Variants in MTA3 observed in about 807,000 individuals in gnomAD.
The protein encoded by MTA3 is metastasis associated 1 family member 3.
A neutral mutation model predicts 83.5 loss-of-function variants in MTA3; 34 were observed. The observed-to-expected ratio is 0.41, with a 90% CI of 0.31 to 0.54. The LOEUF (loss-of-function observed/expected upper bound fraction) is 0.54. Among genes scored for constraint, MTA3 ranks in the 20% least tolerant of loss-of-function variants. The pLI, the probability that MTA3 is intolerant of heterozygous loss-of-function variation, is 0.33. For synonymous variants in MTA3, 303 were observed against 252.7 expected (o/e 1.20, Z -1.89); for missense variants, 761 against 726.4 (o/e 1.05, Z -0.55).
chr2:42,659,174 G>A (rs1029763048), intron 7 of MTA3, among the ~76,000 whole-genome samples: 2 of 152,124 alleles, frequency 1.3e-5, no homozygotes, highest in African/African-American at 4.8e-5. Flanking sequence ...AAAGCAGTGA[G>A]TCTTCATTTT....
chr2:42,756,058 G>A lies in MTA3; in HGVS notation c.*2659G>A, dbSNP rs765330640. The A allele has an allele frequency of 1.1e-5, 11 of 975,686 alleles. No homozygotes were observed. Among genetic ancestry groups the A allele is most frequent in the Non-Finnish European group, 1.3e-5 (11 of 821,198 alleles). 60.4% of individuals were successfully genotyped at this position (975,686 alleles called of 1,614,324 possible). On this transcript the variant is annotated 3_prime_UTR_variant, in exon 17 of 17. Coordinates refer to ENST00000405094, the MANE Select transcript of MTA3 (RefSeq NM_001330442.2). Reference sequence around the variant, plus strand: ...TTTCAAGTGGGGGTTTTCATCCAGAGATTTGTTTAACACAAAACAAGAAAA... The same window carrying A: ...TTTCAAGTGGGGGTTTTCATCCAGAAATTTGTTTAACACAAAACAAGAAAA...
chr2:42,711,179 C>T (rs963715124), intron 14 of MTA3, among the ~76,000 whole-genome samples: 3 of 152,114 alleles, frequency 2.0e-5, no homozygotes, highest in Admixed American at 2.0e-4. Context: ...CATCTTTGTC[C>T]TAGGACTAGA....
chr2:42,740,319 G>T (rs34461013), intron 16 of MTA3, among the ~76,000 whole-genome samples: 1 of 152,142 alleles, frequency 6.6e-6, no homozygotes, highest in African/African-American at 2.4e-5. Flanking sequence ...AAGACCAGCC[G>T]GGACAACATA....
At chr2:42,559,753 G>T (rs1290689494) in intron 2 of MTA3, among the ~76,000 whole-genome samples, 1 of 144,720 alleles carries the variant, frequency 6.9e-6, no homozygotes, top group East Asian at 2.2e-4. Context: ...GCGCATGCCT[G>T]TAATCCCAGC....
intron 16 of MTA3, among the ~76,000 whole-genome samples, chr2:42,737,281 G>T (rs767814442): frequency 2.0e-5 from 3 of 152,158 alleles, no homozygotes; most frequent in Non-Finnish European, 4.4e-5. Flanking sequence ...ACAGTGGAAG[G>T]GCTTGCCAGA....
intron 2 of MTA3, among the ~76,000 whole-genome samples, chr2:42,543,418 C>T (rs1440447286): frequency 1.3e-5 from 2 of 151,944 alleles, no homozygotes; most frequent in Non-Finnish European, 2.9e-5. Context: ...CCTCGTGATC[C>T]ACCTACCTCG....
Position 42,605,781 on chromosome 2 carries a change from G to A in MTA3, c.191-3677G>A, listed in dbSNP as rs1436757347. 1.4e-4 allele frequency among the ~76,000 whole-genome samples: 17 copies of A among 124,336 alleles called. No homozygotes were observed. In the East Asian group the frequency reaches 3.3e-3, roughly 24 times the overall value. The allele number at this position is 124,336 out of a possible 152,430, so 81.6% of individuals were successfully genotyped here. A position where few individuals can be genotyped will look rare whatever the true frequency, so the allele number is the denominator to read the frequency against. On this transcript the variant is annotated intron_variant, in intron 3 of 16. Coordinates refer to ENST00000405094, the MANE Select transcript of MTA3 (RefSeq NM_001330442.2). The stretch of plus-strand genomic sequence containing the variant: ...CAGAGGGGCTCCTCACTTCCCAGAA[G>A]GGGCGGCCGGGCAGAGGCGCCCCTC...
intron 3 of MTA3, among the ~76,000 whole-genome samples, chr2:42,585,742 C>T (rs762103854): frequency 4.0e-5 from 6 of 151,418 alleles, no homozygotes; most frequent in Non-Finnish European, 7.4e-5. Flanking sequence ...CCAAAGTGCT[C>T]GGATTAGAGG....
chr2:42,694,991 A>G (rs984022799), intron 9 of MTA3, among the ~76,000 whole-genome samples: 3 of 152,052 alleles, frequency 2.0e-5, no homozygotes, highest in African/African-American at 7.2e-5. Flanking sequence ...ATAAAAAAGA[A>G]TTAGCCGGGC....
chr2:42,614,986 A>AG (rs199572052), intron 4 of MTA3, among the ~76,000 whole-genome samples: 2 of 150,718 alleles, frequency 1.3e-5, no homozygotes, highest in African/African-American at 4.9e-5. Flanking sequence ...TAAAAAAAAA[A>AG]AAAACAAAAA....
intron 8 of MTA3, among the ~76,000 whole-genome samples, chr2:42,667,580 G>GTGTGTGTGTT (rs1690358874): frequency 7.9e-6 from 1 of 127,294 alleles, no homozygotes; most frequent in Non-Finnish European, 1.6e-5. Flanking sequence ...TTGTGTGTGT[G>GTGTGTGTGTT]TGTGTGTGTG....
chr2:42,552,792 A>G (rs1677177044), intron 2 of MTA3, among the ~76,000 whole-genome samples: 1 of 151,978 alleles, frequency 6.6e-6, no homozygotes, highest in Admixed American at 6.6e-5. Context: ...TCTACTAAAA[A>G]TACAAAAATT....
intron 5 of MTA3, among the ~76,000 whole-genome samples, chr2:42,643,706 A>T (rs1180597059): frequency 6.6e-6 from 1 of 152,230 alleles, no homozygotes; most frequent in African/African-American, 2.4e-5. Flanking sequence ...GCTGGGATGG[A>T]CATTACAAAA....
chr2:42,754,905 A>G lies in MTA3; in HGVS notation c.*1506A>G. 1.0e-6 allele frequency: 1 copy of G among 985,610 alleles called. No homozygotes were observed. 61.1% of individuals were successfully genotyped at this position (985,610 alleles called of 1,614,324 possible). A position where few individuals can be genotyped will look rare whatever the true frequency, so the allele number is the denominator to read the frequency against. On this transcript the variant is annotated 3_prime_UTR_variant, in exon 17 of 17. Transcript: ENST00000405094. ...TGGAGGGCGGTTTTGCAGACATCTC[A>G]GCTTCTTTTCTGAGGAGGAGTTGGT...
intron 14 of MTA3, among the ~76,000 whole-genome samples, chr2:42,710,204 G>C (rs1006847632): frequency 3.3e-5 from 5 of 152,162 alleles, no homozygotes; most frequent in African/African-American, 1.2e-4. Flanking sequence ...TAGCAGAATA[G>C]TTGAAAGGCT....
chr2:42,694,308 C>T (rs1693179872), intron 9 of MTA3, among the ~76,000 whole-genome samples: 1 of 151,958 alleles, frequency 6.6e-6, no homozygotes, highest in African/African-American at 2.4e-5. Context: ...GCTCTGAGTC[C>T]AGCCCAGCAC....
chr2:42,535,345 C>T (rs1487687372), intron 2 of MTA3, among the ~76,000 whole-genome samples: 2 of 152,070 alleles, frequency 1.3e-5, no homozygotes, highest in Non-Finnish European at 1.5e-5. Context: ...CAAGATGGTG[C>T]CATTGCACTC....
At chr2:42,572,539 C>T (rs1048470176) in intron 2 of MTA3, among the ~76,000 whole-genome samples, 1 of 151,996 alleles carries the variant, frequency 6.6e-6, no homozygotes, top group South Asian at 2.1e-4. Context: ...TGCATCACTG[C>T]ACTCCAGCCT....
chr2:42,671,113 T>A (rs1690754332), intron 8 of MTA3, among the ~76,000 whole-genome samples: 1 of 152,154 alleles, frequency 6.6e-6, no homozygotes, highest in African/African-American at 2.4e-5. Context: ...CATGGTATTT[T>A]GAAGAGTGCA....
Sources: gnomAD v4.1 joint callset for allele counts (sites outside exome capture counted in the v4.1 genomes callset) on GRCh38, gnomAD v4.1.1 for gene constraint, MANE v1.5 for transcripts, NCBI Gene and HGNC (gene_info 2026-07-23, HGNC 2026-07-21) for gene names.